The following OPN3 variants were observed in gnomAD, a reference collection of about 807,000 sequenced individuals.
OPN3 encodes opsin-3.
Under a neutral mutation model 33.8 loss-of-function variants are expected in OPN3, and 29 were observed. That is an observed-to-expected ratio of 0.86 (90% CI 0.64 to 1.17). The LOEUF (loss-of-function observed/expected upper bound fraction) is 1.17. OPN3 is among the 50% of genes most tolerant of loss of function. The pLI, the probability that OPN3 is intolerant of heterozygous loss-of-function variation, is 0.00. For synonymous variants in OPN3, 216 were observed against 216.1 expected (o/e 1.00, Z 0.00); for missense variants, 437 against 514.1 (o/e 0.85, Z 1.45).
At chr1:241,604,617 A>C in intron 1 of OPN3, 38 bp from the exon 2 acceptor site, 1 of 1,565,186 alleles carries the variant, frequency 6.4e-7, no homozygotes, top group South Asian at 1.2e-5. Flanking sequence ...AGCATGGTGC[A>C]GGGGGAAACC....
At chr1:241,608,889 G>C (rs554795931) in intron 1 of OPN3, among the ~76,000 whole-genome samples, 5 of 152,082 alleles carry the variant, frequency 3.3e-5, no homozygotes, top group African/African-American at 1.2e-4. Flanking sequence ...CTTAGTCTTC[G>C]AGGGTAACCC....
Position 241,597,980 on chromosome 1 carries a change from A to G in OPN3, c.711T>C (p.Asp237=), listed in dbSNP as rs1663572031. The change falls in exon 3 of 4, where the codon GAT becomes GAC. Residue 237 remains aspartate (D), a synonymous_variant. Transcript: ENST00000366554. ...TCTTGATCACTTGAATTGTCTGAAG[A>G]TCTTCCACACAACGAAGCTGCAGAA... The part of the protein sequence containing the change: ...YSIRMLRCVE[D]LQTIQVIKIL... 1.9e-6 allele frequency: 3 copies of G among 1,613,716 alleles called. No homozygotes were observed. Among genetic ancestry groups the G allele is most frequent in the Non-Finnish European group, 2.5e-6 (3 of 1,179,882 alleles).
At chr1:241,604,208 T>G (rs1385926880) in intron 2 of OPN3, 52 bp downstream of exon 2, 25 of 1,530,900 alleles carry the variant, frequency 1.6e-5, no homozygotes, top group Non-Finnish European at 2.1e-5. Flanking sequence ...CAGACAAAAT[T>G]TTCTACCCTG....
At chr1:241,625,991 C>T (rs533651538) in intron 1 of OPN3, among the ~76,000 whole-genome samples, 2 of 152,270 alleles carry the variant, frequency 1.3e-5, no homozygotes, top group South Asian at 2.1e-4. Context: ...AGGCCAAACA[C>T]TCTGGTTTAA....
chr1:241,627,018 CTTAATA>C (rs1378692699), intron 1 of OPN3, among the ~76,000 whole-genome samples: 1 of 151,914 alleles, frequency 6.6e-6, no homozygotes, highest in Non-Finnish European at 1.5e-5. Flanking sequence ...ATGTGTATGC[CTTAATA>C]TTAAATAGTT....
At chr1:241,639,713 C>G (rs1228194353) in intron 1 of OPN3, among the ~76,000 whole-genome samples, 169 bp downstream of exon 1, 1 of 128,876 alleles carries the variant, frequency 7.8e-6, no homozygotes, top group Non-Finnish European at 1.6e-5. Context: ...CGGCTGGGGT[C>G]GGGCAGCGTT....
At chr1:241,637,368 A>T (rs1664937898) in intron 1 of OPN3, among the ~76,000 whole-genome samples, 1 of 152,234 alleles carries the variant, frequency 6.6e-6, no homozygotes, top group African/African-American at 2.4e-5. Flanking sequence ...TCTCAAAAAT[A>T]TCAAGGATTC....
At chr1:241,622,262 A>G (rs958682143) in intron 1 of OPN3, among the ~76,000 whole-genome samples, 1 of 152,212 alleles carries the variant, frequency 6.6e-6, no homozygotes, top group African/African-American at 2.4e-5. Flanking sequence ...TTACACACTA[A>G]GTGTTAGCTA....
In OPN3 at chr1:241,594,204, A is replaced by C. The variant is rs927792851; in HGVS notation, c.*224T>G. ...TGATGTTAGATGCCCATCGTGTGCC[A>C]CAAGTGGTTTTTTCATTATGTAAAG... On this transcript the variant is annotated 3_prime_UTR_variant, in exon 4 of 4. Coordinates refer to ENST00000366554, the MANE Select transcript of OPN3 (RefSeq NM_014322.3). The C allele has an allele frequency of 5.1e-5, 23 of 453,634 alleles. No individual in the cohort carries two copies. Among genetic ancestry groups the C allele is most frequent in the South Asian group, 1.6e-4 (3 of 18,444 alleles). 28.1% of individuals were successfully genotyped at this position (453,634 alleles called of 1,614,324 possible). A position where few individuals can be genotyped will look rare whatever the true frequency, so the allele number is the denominator to read the frequency against.
intron 1 of OPN3, chr1:241,635,357 G>C (rs1202479923): frequency 1.2e-6 from 2 of 1,614,034 alleles, no homozygotes; most frequent in Non-Finnish European, 1.7e-6. Context: ...AGGTAATGCA[G>C]AATCCAGAAC....
intron 1 of OPN3, chr1:241,634,404 A>G (rs780047465): frequency 6.8e-6 from 11 of 1,613,752 alleles, no homozygotes; most frequent in Non-Finnish European, 8.5e-6. Context: ...ACTGCCCTAG[A>G]GATCTGCTTA....
intron 1 of OPN3, among the ~76,000 whole-genome samples, chr1:241,626,011 C>T (rs1035811973): frequency 2.6e-5 from 4 of 152,138 alleles, no homozygotes; most frequent in African/African-American, 9.7e-5. Flanking sequence ...AAAATCACTG[C>T]CTTAATGGGA....
At position 241,597,951 on chromosome 1, in the gene OPN3, A is replaced by G; in HGVS notation, c.740T>C (p.Leu247Ser). The G allele has an allele frequency of 1.2e-6, 2 of 1,613,896 alleles. No homozygotes were observed. The highest frequency in any genetic ancestry group is 1.7e-6 in the Non-Finnish European group (2 of 1,179,940). ...TTTGGCCAGTTTCTTTTCATATTTTAAAATCTTGATCACTTGAATTGTCTG... is the reference window on the plus strand; with the variant it reads ...TTTGGCCAGTTTCTTTTCATATTTTGAAATCTTGATCACTTGAATTGTCTG... The part of the protein sequence containing the change: ...DLQTIQVIKI[L>S]KYEKKLAKMC... The change falls in exon 3 of 4, where the codon TTA becomes TCA. Residue 247 changes from leucine (L) to serine (S), a missense_variant. Transcript: ENST00000366554.
intron 2 of OPN3, among the ~76,000 whole-genome samples, chr1:241,599,690 A>G (rs1365009161): frequency 1.3e-5 from 2 of 152,112 alleles, no homozygotes; most frequent in East Asian, 3.9e-4. Context: ...AAAGGTCTAG[A>G]TTTGGAATTA....
In OPN3 at chr1:241,616,455, A is replaced by G. The variant is rs147941217; in HGVS notation, c.374-11876T>C. Among the ~76,000 whole-genome samples, 605 of 152,200 alleles carry G rather than the reference A, an allele frequency of 4.0e-3. 6 individuals carry two copies. Among genetic ancestry groups the G allele is most frequent in the African/African-American group, 0.014 (577 of 41,514 alleles). ...CTCACTCTGTCCGTCCACAACACAA[A>G]CAGACTATCTTCATGGCTGCTATTT... On this transcript the variant is annotated intron_variant, in intron 1 of 3. Coordinates refer to ENST00000366554, the MANE Select transcript of OPN3 (RefSeq NM_014322.3).
intron 1 of OPN3, chr1:241,629,258 G>C (rs1018473823): frequency 4.6e-5 from 7 of 152,020 alleles, no homozygotes; most frequent in Non-Finnish European, 7.4e-5. Context: ...CTCAAAGTGA[G>C]TATGTCAAAA....
chr1:241,598,378 T>C (rs541206736), intron 2 of OPN3, among the ~76,000 whole-genome samples: 3 of 152,346 alleles, frequency 2.0e-5, no homozygotes, highest in South Asian at 4.1e-4. Context: ...GGAAACTCTA[T>C]AGAGTGTTAG....
chr1:241,597,080 T>C (rs895130600), intron 3 of OPN3, among the ~76,000 whole-genome samples: 3 of 152,126 alleles, frequency 2.0e-5, no homozygotes, highest in Non-Finnish European at 2.9e-5. Flanking sequence ...TCCTTCTGCC[T>C]CAGCATGCCC....
chr1:241,625,831 G>A (rs1280124681), intron 1 of OPN3, among the ~76,000 whole-genome samples: 2 of 152,252 alleles, frequency 1.3e-5, no homozygotes, highest in East Asian at 3.9e-4. Flanking sequence ...GGCGCTTATC[G>A]ATATTTGGGG....
Sources: allele counts gnomAD v4.1 joint callset (sites outside exome capture counted in the v4.1 genomes callset), GRCh38; gene constraint gnomAD v4.1.1; transcripts MANE v1.5; gene names NCBI Gene and HGNC (gene_info 2026-07-23, HGNC 2026-07-21).